Variants in GNAI3 observed in about 807,000 individuals in gnomAD.
GNAI3 encodes the protein G protein subunit alpha i3, also known as guanine nucleotide-binding protein G(i) subunit alpha-3.
GNAI3 carries 12 observed loss-of-function variants against 41.8 expected under a neutral mutation model. The ratio of observed to expected loss-of-function variants is 0.29; its 90% CI spans 0.18 to 0.47. The LOEUF is 0.47. Ranked by LOEUF, GNAI3 falls within the 20% of genes least tolerant of loss-of-function variation. GNAI3 has a pLI of 1.00. For synonymous variants in GNAI3, 132 were observed against 146.5 expected, an observed-to-expected ratio of 0.90 and a Z score of 0.71; for missense variants, 360 against 429.6, an observed-to-expected ratio of 0.84 and a Z score of 1.43.
intron 1 of GNAI3, among the ~76,000 whole-genome samples, chr1:109,557,854 G>A (rs1648201142): frequency 6.6e-6 from 1 of 152,120 alleles, no homozygotes; most frequent in South Asian, 2.1e-4. Context: ...AGTTGATGGG[G>A]TATCATGAGT....
intron 1 of GNAI3, 104 bp from the exon 2 acceptor site, chr1:109,573,633 C>T (rs1648663191): frequency 1.1e-6 from 1 of 918,860 alleles, no homozygotes; most frequent in African/African-American, 1.7e-5. Flanking sequence ...AAAATTTTCC[C>T]TAGGACCCGT....
chr1:109,557,767 C>T (rs1221664012), intron 1 of GNAI3, among the ~76,000 whole-genome samples: 1 of 152,112 alleles, frequency 6.6e-6, no homozygotes, highest in Non-Finnish European at 1.5e-5. Flanking sequence ...TTCCCGGTTC[C>T]TGGTAAAGAG....
Position 109,596,087 on chromosome 1 carries a change from C to T in GNAI3, c.*3765C>T, listed in dbSNP as rs983361600. 1 of 152,120 alleles carries T rather than the reference C, an allele frequency of 6.6e-6. No individual in the cohort carries two copies. Among genetic ancestry groups the T allele is most frequent in the Non-Finnish European group, 1.5e-5 (1 of 68,038 alleles). 9.4% of individuals were successfully genotyped at this position (152,120 alleles called of 1,614,324 possible). On this transcript the variant is annotated 3_prime_UTR_variant, in exon 9 of 9. Transcript: ENST00000369851. The stretch of plus-strand genomic sequence containing the variant: ...TCATCATATTTTGTTGTATTGCTCC[C>T]AACAAGCACAAGAGAAAAAGGCAGG...
At position 109,582,283 on chromosome 1, in the gene GNAI3, G is replaced by T. The variant is rs191118609; in HGVS notation, c.462-154G>T. On this transcript the variant is annotated intron_variant, in intron 4 of 8. Coordinates refer to ENST00000369851, the MANE Select transcript of GNAI3 (RefSeq NM_006496.4). ...TGGGATTACAGGTGTGAGCCACCAT[G>T]CCTGGCTTATCATTTCTATGATACT... Among the ~76,000 whole-genome samples, 53 of 152,284 alleles carry T rather than the reference G, an allele frequency of 3.5e-4. 1 individual carries two copies. Among genetic ancestry groups the T allele is most frequent in the Admixed American group, 2.6e-3 (40 of 15,298 alleles).
rs1278137311 is a variant in GNAI3 at position 109,574,021 on chromosome 1, G to A, written c.287G>A (p.Gly96Glu). 5.0e-6 allele frequency: 8 copies of A among 1,611,724 alleles called. No individual in the cohort carries two copies. In the South Asian group the frequency reaches 5.5e-5, roughly 11 times the overall value. ...ATGGGACGGCTAAAGATTGACTTTG[G>A]GGAAGCTGCCAGGGCAGTAAGTGTT... The part of the protein sequence containing the change: ...RAMGRLKIDF[G>E]EAARADDARQ... The change falls in exon 3 of 9, where the codon GGG becomes GAG. Residue 96 changes from glycine (G) to glutamate (E), a missense_variant. Physicochemically the swap from Gly to Glu is moderately conservative, Grantham distance 98. Transcript: ENST00000369851.
intron 1 of GNAI3, among the ~76,000 whole-genome samples, chr1:109,558,141 G>A (rs1648207253): frequency 6.6e-6 from 1 of 152,108 alleles, no homozygotes. Flanking sequence ...TTTAAAATTA[G>A]GCCAGGCATG....
intron 7 of GNAI3, among the ~76,000 whole-genome samples, chr1:109,587,243 C>T (rs1470326433): frequency 6.6e-6 from 1 of 152,032 alleles, no homozygotes; most frequent in East Asian, 1.9e-4. Flanking sequence ...CATAGTGACA[C>T]CCCCCTGCCT....
chr1:109,558,223 GA>G (rs1315512190), intron 1 of GNAI3, among the ~76,000 whole-genome samples: 7 of 152,068 alleles, frequency 4.6e-5, no homozygotes, highest in African/African-American at 1.7e-4. Context: ...AGGAGTTCCA[GA>G]CCAGCCTGGC....
At chr1:109,583,415 T>C (rs1483167696) in intron 5 of GNAI3, among the ~76,000 whole-genome samples, 1 of 152,002 alleles carries the variant, frequency 6.6e-6, no homozygotes, top group Non-Finnish European at 1.5e-5. Flanking sequence ...GGATCTCTCT[T>C]TATTGCCCAG....
In GNAI3 at chr1:109,573,937, A is replaced by G. The variant is rs142991217; in HGVS notation, c.203A>G (p.Gln68Arg). 1.2e-6 allele frequency: 2 copies of G among 1,608,900 alleles called. No individual in the cohort carries two copies. The highest frequency in any genetic ancestry group is 4.5e-5 in the East Asian group (2 of 44,854). The change falls in exon 3 of 9, where the codon CAA becomes CGA. Residue 68 changes from glutamine to arginine, a missense_variant. Transcript: ENST00000369851. The stretch of plus-strand genomic sequence containing the variant: ...GGCTATTCAGAGGATGAATGTAAAC[A>G]ATATAAAGTAGTTGTCTACAGCAAT... ...EDGYSEDECK[Q>R]YKVVVYSNTI...
At chr1:109,586,960 CTTT>C in intron 7 of GNAI3, 78 bp downstream of exon 7, 1 of 723,320 alleles carries the variant, frequency 1.4e-6, no homozygotes, top group South Asian at 1.9e-5. Flanking sequence ...ATAAAACTGC[CTTT>C]TTTTTTTTAA....
rs779379870 is a variant in GNAI3, at chr1:109,548,813, C to T, written c.93C>T (p.Ala31=). 6.2e-7 allele frequency: 1 copy of T among 1,609,680 alleles called. No homozygotes were observed. Among genetic ancestry groups the T allele is most frequent in the Admixed American group, 1.7e-5 (1 of 59,672 alleles). ...RNLREDGEKA[A]KEVKLLLLGA... The stretch of plus-strand genomic sequence containing the variant: ...TACGGGAGGACGGGGAAAAAGCGGC[C>T]AAAGAAGTGAAGCTGCTGCTACTCG... Residue 31 remains alanine, a synonymous_variant, in exon 1 of 9, where the codon GCC becomes GCT. Coordinates refer to ENST00000369851, the MANE Select transcript of GNAI3 (RefSeq NM_006496.4).
At chr1:109,562,531 G>T (rs1054401290) in intron 1 of GNAI3, among the ~76,000 whole-genome samples, 2 of 152,098 alleles carry the variant, frequency 1.3e-5, no homozygotes, top group African/African-American at 4.8e-5. Context: ...ACTAATTCAT[G>T]CTGTAACAAA....
At chr1:109,567,625 T>G (rs1321816646) in intron 1 of GNAI3, among the ~76,000 whole-genome samples, 2 of 152,246 alleles carry the variant, frequency 1.3e-5, no homozygotes, top group Admixed American at 6.5e-5. Flanking sequence ...ATTTTATTAT[T>G]ATGAAACCAC....
At chr1:109,583,074 C>T (rs1205191701) in intron 5 of GNAI3, among the ~76,000 whole-genome samples, 1 of 152,120 alleles carries the variant, frequency 6.6e-6, no homozygotes, top group East Asian at 1.9e-4. Context: ...ATTGTCATGG[C>T]TCTTAAAGTA....
intron 1 of GNAI3, among the ~76,000 whole-genome samples, chr1:109,549,363 G>C (rs1647918894): frequency 2.0e-5 from 3 of 152,186 alleles, no homozygotes; most frequent in Admixed American, 2.0e-4. Flanking sequence ...AGAGCCATTT[G>C]AACTGTTGGA....
intron 1 of GNAI3, among the ~76,000 whole-genome samples, chr1:109,564,042 T>TG (rs1309048796): frequency 1.4e-4 from 11 of 79,380 alleles, no homozygotes; most frequent in East Asian, 9.9e-4. Flanking sequence ...TTTTTGTGTG[T>TG]TTTTTTTTTT....
rs1649216564 is a variant in GNAI3, at chr1:109,593,355, C to CAAA, written c.*1033_*1034insAAA. ...AAATGTGGTGCCAAATCCCTGTTTG[C>CAAA]CATCGTTTTTACTGTACCGATGTTA... is the stretch of plus-strand genomic sequence containing the variant. On this transcript the variant is annotated 3_prime_UTR_variant, in exon 9 of 9. Transcript: ENST00000369851. The CAAA allele has an allele frequency of 6.6e-6, 1 of 152,618 alleles. No individual in the cohort carries two copies. The highest frequency in any genetic ancestry group is 2.4e-5 in the African/African-American group (1 of 41,452). 9.5% of individuals were successfully genotyped at this position (152,618 alleles called of 1,614,324 possible).
intron 1 of GNAI3, 145 bp from the exon 2 acceptor site, chr1:109,573,592 A>G: frequency 1.6e-6 from 1 of 641,086 alleles, no homozygotes; most frequent in Non-Finnish European, 2.8e-6. Context: ...GAAGCTCCAT[A>G]CATTTTCTTG....
Sources: allele counts gnomAD v4.1 joint callset (sites outside exome capture counted in the v4.1 genomes callset), GRCh38; gene constraint gnomAD v4.1.1; transcripts MANE v1.5; gene names NCBI Gene and HGNC (gene_info 2026-07-23, HGNC 2026-07-21).